The following PRKCZ variants were observed in gnomAD, a reference collection of about 807,000 sequenced individuals.
PRKCZ encodes the protein protein kinase C zeta, also known as protein kinase C zeta type.
PRKCZ carries 33 observed loss-of-function variants against 79.5 expected under a neutral mutation model. The observed-to-expected ratio is 0.41, with a 90% CI of 0.31 to 0.55. PRKCZ has a LOEUF of 0.55. Among genes scored for constraint, PRKCZ ranks in the 20% least tolerant of loss-of-function variants. The pLI, the probability that PRKCZ is intolerant of heterozygous loss-of-function variation, is 0.19. For synonymous variants in PRKCZ, 342 were observed against 320.9 expected, an observed-to-expected ratio of 1.07 and a Z score of -0.70; for missense variants, 578 against 813.5, an observed-to-expected ratio of 0.71 and a Z score of 3.52.
chr1:2,158,233 G>A (rs1681496232), intron 10 of PRKCZ, among the ~76,000 whole-genome samples: 1 of 152,212 alleles, frequency 6.6e-6, no homozygotes, highest in Non-Finnish European at 1.5e-5. Flanking sequence ...GGGCTCCCCA[G>A]TGTTGGCTTC....
At position 2,125,149 on chromosome 1, in the gene PRKCZ, G is replaced by C. The variant is rs530392585; in HGVS notation, c.335-10113G>C. Among the ~76,000 whole-genome samples the C allele has an allele frequency of 3.9e-5, 6 of 152,102 alleles. No homozygotes were observed. The South Asian group carries it at 6.2e-4, about 16-fold the overall frequency. On this transcript the variant is annotated intron_variant, in intron 4 of 17. Coordinates refer to ENST00000378567, the MANE Select transcript of PRKCZ (RefSeq NM_002744.6). This position sits in a 1 kb window ranked among gnomAD's most constrained non-coding sequence, Gnocchi z 4.2. ...AGTGAGGAACTCGGAGCAGCTTCTT[G>C]TTGTTGGTGTTGATGTGTTTTGTTT...
rs184746353 is a variant in PRKCZ, at chr1:2,099,749, T to G, written c.335-35513T>G. ...GCCCCTGGCCATGTTAGTTGCACATTTCATGACTCTTTAAGGAGTTAGTGA... is the reference window on the plus strand; with the variant it reads ...GCCCCTGGCCATGTTAGTTGCACATGTCATGACTCTTTAAGGAGTTAGTGA... On this transcript the variant is annotated intron_variant, in intron 4 of 17. Coordinates refer to ENST00000378567, the MANE Select transcript of PRKCZ (RefSeq NM_002744.6). 5.3e-5 allele frequency among the ~76,000 whole-genome samples: 8 copies of G among 152,312 alleles called. No individual in the cohort carries two copies. The East Asian group carries it at 1.5e-3, about 29-fold the overall frequency.
chr1:2,064,216 T>G (rs1198976385), intron 4 of PRKCZ, among the ~76,000 whole-genome samples: 3 of 152,222 alleles, frequency 2.0e-5, no homozygotes, highest in Admixed American at 1.3e-4. Context: ...TTGAATGGGT[T>G]GTTTGGTTTT....
chr1:2,157,006 T>G (rs1681184656), intron 10 of PRKCZ, among the ~76,000 whole-genome samples: 1 of 152,228 alleles, frequency 6.6e-6, no homozygotes. Flanking sequence ...ATCCGCCATC[T>G]GCAGGCTGGA....
At position 2,099,617 on chromosome 1, in the gene PRKCZ, C is replaced by T. The variant is rs552471848; in HGVS notation, c.335-35645C>T. Among the ~76,000 whole-genome samples, 60 of 152,248 alleles carry T rather than the reference C, an allele frequency of 3.9e-4. 1 individual carries two copies. The East Asian group carries it at 4.8e-3, about 12-fold the overall frequency. On this transcript the variant is annotated intron_variant, in intron 4 of 17. Transcript: ENST00000378567. Reference sequence around the variant, plus strand: ...AGGACCCTGTGGGCAGCCGGGGGCACGGCACAGGCTGTGGCTGTAGGTGTG... The same window carrying T: ...AGGACCCTGTGGGCAGCCGGGGGCATGGCACAGGCTGTGGCTGTAGGTGTG...
intron 4 of PRKCZ, among the ~76,000 whole-genome samples, chr1:2,069,105 C>T (rs761429063): frequency 5.3e-5 from 8 of 152,224 alleles, no homozygotes; most frequent in South Asian, 4.1e-4. Flanking sequence ...GTTCTGCAGT[C>T]GCTTGTCCTT....
Position 2,172,528 on chromosome 1 carries a change from C to A in PRKCZ, c.1285+140C>A. 1 of 994,474 alleles carries A rather than the reference C, an allele frequency of 1.0e-6. No homozygotes were observed. Among genetic ancestry groups the A allele is most frequent in the Non-Finnish European group, 1.4e-6 (1 of 695,318 alleles). The allele number at this position is 994,474 out of a possible 1,614,324, so 61.6% of individuals were successfully genotyped here. On this transcript the variant is annotated intron_variant, in intron 13 of 17. Coordinates refer to ENST00000378567, the MANE Select transcript of PRKCZ (RefSeq NM_002744.6). The surrounding 1 kb of genome is among the most constrained non-coding windows in gnomAD (Gnocchi z 7.8). ...ACTGTCTTTCCCAGCCGGATGTCAT[C>A]ATCTGGCCTCAGCCCCTTATTTGAA...
chr1:2,113,004 C>T (rs1459529420), intron 4 of PRKCZ, among the ~76,000 whole-genome samples: 1 of 152,138 alleles, frequency 6.6e-6, no homozygotes, highest in Non-Finnish European at 1.5e-5. Context: ...ATTTTCTTTA[C>T]ATTTGTGACT....
chr1:2,081,644 C>T (rs1053222871), intron 4 of PRKCZ, among the ~76,000 whole-genome samples: 32 of 152,244 alleles, frequency 2.1e-4, no homozygotes, highest in African/African-American at 7.5e-4. Flanking sequence ...GACTTGGTGG[C>T]GTGGTGATGT....
Position 2,139,022 on chromosome 1 carries a change from C to T in PRKCZ, c.420+3675C>T, listed in dbSNP as rs577792198. Among the ~76,000 whole-genome samples, 20 of 152,296 alleles carry T rather than the reference C, an allele frequency of 1.3e-4. No individual in the cohort carries two copies. The East Asian group carries it at 2.9e-3, about 22-fold the overall frequency. On this transcript the variant is annotated intron_variant, in intron 5 of 17. Transcript: ENST00000378567. ...TTTAGACTCAGCCACACAGAATTTT[C>T]AGATTTTTTCAGTTTCCAAATTAAA...
At chr1:2,074,292 T>C (rs1367305196) in intron 4 of PRKCZ, 1 of 1,549,002 alleles carries the variant, frequency 6.5e-7, no homozygotes, top group East Asian at 2.4e-5. Context: ...GGCCCAGGCC[T>C]GGTGGATGTG....
intron 4 of PRKCZ, 42 bp downstream of exon 4, chr1:2,059,633 G>T: frequency 6.2e-7 from 1 of 1,610,670 alleles, no homozygotes; most frequent in African/African-American, 1.3e-5. Flanking sequence ...CATGTTACGG[G>T]GTTGAACTGT....
At chr1:2,054,504 C>T (rs1659972859) in intron 1 of PRKCZ, among the ~76,000 whole-genome samples, 1 of 151,968 alleles carries the variant, frequency 6.6e-6, no homozygotes, top group Admixed American at 6.6e-5. Flanking sequence ...CTTCCCCAGC[C>T]CCTGGAGTTC....
chr1:2,102,802 CAG>C (rs1667722832), intron 4 of PRKCZ, among the ~76,000 whole-genome samples: 1 of 152,154 alleles, frequency 6.6e-6, no homozygotes, highest in Non-Finnish European at 1.5e-5. Flanking sequence ...CCAGGAGACA[CAG>C]GGCCCAGAAA....
At chr1:2,061,776 C>T in intron 4 of PRKCZ, among the ~76,000 whole-genome samples, 1 of 152,212 alleles carries the variant, frequency 6.6e-6, no homozygotes, top group East Asian at 1.9e-4. Flanking sequence ...CTCGGGGTCC[C>T]AGGCCACCAG....
rs376161357 is a variant in PRKCZ at position 2,055,308 on chromosome 1, G to A, written c.72-133G>A. 8.3e-6 allele frequency: 9 copies of A among 1,090,764 alleles called. No individual in the cohort carries two copies. The African/African-American group carries it at 9.8e-5, about 12-fold the overall frequency. 67.6% of individuals were successfully genotyped at this position (1,090,764 alleles called of 1,614,324 possible). On this transcript the variant is annotated intron_variant, in intron 1 of 17. Transcript: ENST00000378567. ...TATTTTGTGTGTGGGAGGGGGGAGG[G>A]GGTGGGGCTGTCATATTGTCTTTGG...
chr1:2,116,117 G>C (rs570211135), intron 4 of PRKCZ: 2 of 152,388 alleles, frequency 1.3e-5, no homozygotes, highest in East Asian at 3.9e-4. Flanking sequence ...CGCACTCCAG[G>C]ATTCCTAGGG....
At chr1:2,087,076 C>A (rs1275402725) in intron 4 of PRKCZ, among the ~76,000 whole-genome samples, 1 of 151,960 alleles carries the variant, frequency 6.6e-6, no homozygotes, top group Non-Finnish European at 1.5e-5. Context: ...TAGTGTATTT[C>A]CCCATTCTTT....
At chr1:2,074,381 G>A (rs891116832) in intron 4 of PRKCZ, 2 of 1,467,030 alleles carry the variant, frequency 1.4e-6, no homozygotes. Flanking sequence ...TGGCCCCAGG[G>A]AGTTGCTGGC....
Sources: gnomAD v4.1 joint callset for allele counts (sites outside exome capture counted in the v4.1 genomes callset) on GRCh38, gnomAD v4.1.1 for gene constraint, Gnocchi (gnomAD v3.1) non-coding constraint, MANE v1.5 for transcripts, NCBI Gene and HGNC (gene_info 2026-07-23, HGNC 2026-07-21) for gene names.